The following OR51B5 variants were observed in gnomAD, a reference collection of about 807,000 sequenced individuals.
OR51B5 encodes olfactory receptor family 51 subfamily B member 5.
For synonymous variants in OR51B5, 186 were observed against 144.8 expected, an observed-to-expected ratio of 1.28 and a Z score of -2.04; for missense variants, 456 against 374.6, an observed-to-expected ratio of 1.22 and a Z score of -1.79.
chr11:5,450,675 T>C (rs371199525), intron 1 of OR51B5, among the ~76,000 whole-genome samples: 1 of 152,310 alleles, frequency 6.6e-6, no homozygotes, highest in East Asian at 1.9e-4. Context: ...TGTTTAGGGG[T>C]ACCTGTGAAA....
At chr11:5,363,403 T>A (rs1180197831) in intron 1 of OR51B5, among the ~76,000 whole-genome samples, 2 of 149,262 alleles carry the variant, frequency 1.3e-5, no homozygotes, top group African/African-American at 4.9e-5. Context: ...ATGATCCTAA[T>A]CACCAATTAA....
intron 1 of OR51B5, among the ~76,000 whole-genome samples, chr11:5,404,725 A>G (rs369645794): frequency 4.6e-5 from 7 of 152,186 alleles, no homozygotes; most frequent in African/African-American, 1.4e-4. Flanking sequence ...TTTATGAACT[A>G]TAACACTCAC....
At chr11:5,504,072 T>C (rs993121479) in intron 1 of OR51B5, among the ~76,000 whole-genome samples, 1 of 152,154 alleles carries the variant, frequency 6.6e-6, no homozygotes, top group African/African-American at 2.4e-5. Context: ...GCCTGACATA[T>C]AGTAAAGCCT....
intron 1 of OR51B5, chr11:5,440,481 G>T: frequency 1.2e-6 from 1 of 815,012 alleles, no homozygotes; most frequent in Non-Finnish European, 2.0e-6. Context: ...AAGATCCTGG[G>T]TCCTCTTCAT....
chr11:5,488,758 A>G (rs368242087), intron 1 of OR51B5: 5 of 1,613,994 alleles, frequency 3.1e-6, no homozygotes, highest in Non-Finnish European at 8.5e-7. Context: ...CTTCTTCTTA[A>G]CAGGGATCCC....
chr11:5,500,762 T>G (rs1271700185), intron 1 of OR51B5, among the ~76,000 whole-genome samples: 1 of 148,180 alleles, frequency 6.7e-6, no homozygotes, highest in African/African-American at 2.4e-5. Context: ...CAATGAACTT[T>G]TGTTTCAAAA....
intron 1 of OR51B5, chr11:5,453,735 C>T (rs144839036): frequency 1.3e-5 from 21 of 1,614,018 alleles, no homozygotes; most frequent in East Asian, 8.9e-5. Flanking sequence ...CACTGTACTC[C>T]GAACCTTCTG....
intron 1 of OR51B5, chr11:5,454,119 C>A: frequency 6.2e-7 from 1 of 1,614,156 alleles, no homozygotes; most frequent in Non-Finnish European, 8.5e-7. Flanking sequence ...TGGCATGGAC[C>A]TGTTTTTTAT....
chr11:5,376,326 A>T (rs1273118821), intron 1 of OR51B5, among the ~76,000 whole-genome samples: 1 of 152,212 alleles, frequency 6.6e-6, no homozygotes, highest in Non-Finnish European at 1.5e-5. Context: ...TGTAGGGGGA[A>T]ATTTATAGCA....
At chr11:5,483,554 TAA>T (rs199621709) in intron 1 of OR51B5, among the ~76,000 whole-genome samples, 1 of 132,732 alleles carries the variant, frequency 7.5e-6, no homozygotes, top group Admixed American at 7.5e-5. Context: ...AAAGTACAGC[TAA>T]AAAAAAAAAG....
rs539041200 is a variant in OR51B5, at chr11:5,377,821, C to G, written n.85-30911G>C. Reference sequence around the variant, plus strand: ...TCAATGAAATAAAAGAAGATACAAACAAATGGAAGAACATTCCATGCTTAT... The same window carrying G: ...TCAATGAAATAAAAGAAGATACAAAGAAATGGAAGAACATTCCATGCTTAT... On this transcript the variant is annotated intron_variant and non_coding_transcript_variant, in intron 1 of 4. Transcript: ENST00000415970. Among the ~76,000 whole-genome samples the G allele has an allele frequency of 5.3e-5, 8 of 152,180 alleles. No individual in the cohort carries two copies. The East Asian group carries it at 1.5e-3, about 29-fold the overall frequency.
chr11:5,413,645 T>A, intron 1 of OR51B5, among the ~76,000 whole-genome samples: 1 of 152,090 alleles, frequency 6.6e-6, no homozygotes, highest in Non-Finnish European at 1.5e-5. Context: ...TGCAGAAGTC[T>A]CAGGAGCCAA....
At chr11:5,442,299 A>G (rs989124720) in intron 1 of OR51B5, among the ~76,000 whole-genome samples, 3 of 152,204 alleles carry the variant, frequency 2.0e-5, no homozygotes, top group Non-Finnish European at 4.4e-5. Context: ...AGAGAAAATT[A>G]TTACTTAACC....
At chr11:5,422,352 T>A in intron 1 of OR51B5, 1 of 1,614,150 alleles carries the variant, frequency 6.2e-7, no homozygotes, top group Non-Finnish European at 8.5e-7. Context: ...CTCACTGTCA[T>A]TCGCACAGAG....
chr11:5,483,120 A>C (rs1230260584), intron 1 of OR51B5, among the ~76,000 whole-genome samples: 1 of 151,082 alleles, frequency 6.6e-6, no homozygotes, highest in African/African-American at 2.4e-5. Flanking sequence ...ATGTCCATCA[A>C]TGATAGACTG....
chr11:5,470,831 A>C (rs1410792280), intron 1 of OR51B5, among the ~76,000 whole-genome samples: 1 of 152,142 alleles, frequency 6.6e-6, no homozygotes, highest in Admixed American at 6.5e-5. Flanking sequence ...TTCAACCAAA[A>C]TATCTGCAGA....
intron 1 of OR51B5, among the ~76,000 whole-genome samples, chr11:5,486,266 C>A (rs1272183892): frequency 6.6e-6 from 1 of 152,112 alleles, no homozygotes; most frequent in Admixed American, 6.5e-5. Context: ...TTTCAAAGTC[C>A]TTATCATTAT....
intron 1 of OR51B5, among the ~76,000 whole-genome samples, chr11:5,476,357 A>G (rs1851305346): frequency 6.6e-6 from 1 of 152,220 alleles, no homozygotes; most frequent in African/African-American, 2.4e-5. Context: ...CACAAGTGAC[A>G]ACACCAGCAT....
At chr11:5,414,104 C>A (rs551941388) in intron 1 of OR51B5, among the ~76,000 whole-genome samples, 2 of 152,008 alleles carry the variant, frequency 1.3e-5, no homozygotes, top group Admixed American at 6.6e-5. Flanking sequence ...ACTCTACAAG[C>A]CAGAAGAGAG....
Sources: allele counts gnomAD v4.1 joint callset (sites outside exome capture counted in the v4.1 genomes callset), GRCh38; gene constraint gnomAD v4.1.1; transcripts MANE v1.5; gene names NCBI Gene and HGNC (gene_info 2026-07-23, HGNC 2026-07-21).